The following NR6A1 variants were observed in gnomAD, a reference collection of about 807,000 sequenced individuals.
NR6A1 encodes nuclear receptor subfamily 6 group A member 1, also known as retinoic acid receptor-related testis-associated receptor.
A neutral mutation model predicts 59.1 loss-of-function variants in NR6A1; 7 were observed. The ratio of observed to expected loss-of-function variants is 0.12; its 90% CI spans 0.07 to 0.22. The LOEUF (loss-of-function observed/expected upper bound fraction) is 0.22. Among genes scored for constraint, NR6A1 ranks in the 10% least tolerant of loss-of-function variants. The pLI, the probability that NR6A1 is intolerant of heterozygous loss-of-function variation, is 1.00. For missense variants in NR6A1, 468 were observed against 611.6 expected (o/e 0.77, Z 2.48); for synonymous variants, 243 against 236.1 (o/e 1.03, Z -0.27).
intron 2 of NR6A1, among the ~76,000 whole-genome samples, chr9:124,694,527 G>A (rs946562179): frequency 1.3e-5 from 2 of 152,104 alleles, no homozygotes; most frequent in Non-Finnish European, 2.9e-5. Flanking sequence ...TGCAAACCAT[G>A]TCCCTCAAAC....
chr9:124,589,712 T>C (rs1835052726), intron 2 of NR6A1, among the ~76,000 whole-genome samples: 1 of 152,216 alleles, frequency 6.6e-6, no homozygotes, highest in Admixed American at 6.5e-5. Flanking sequence ...GGTTATTTAA[T>C]ATACCATAAA....
intron 2 of NR6A1, chr9:124,599,185 G>A (rs1835373411): frequency 1.9e-6 from 1 of 537,964 alleles, no homozygotes; most frequent in African/African-American, 1.9e-5. Flanking sequence ...GCTCACTCCT[G>A]TAATCCCAGC....
intron 2 of NR6A1, among the ~76,000 whole-genome samples, chr9:124,728,120 G>A (rs1247954414): frequency 1.3e-5 from 2 of 150,908 alleles, no homozygotes; most frequent in South Asian, 2.1e-4. Context: ...TCTGCCTCCC[G>A]GGTTCACACC....
Position 124,771,062 on chromosome 9 carries a change from A to ACCCCGCCGAGC in NR6A1, c.47_57dup (p.Phe20AlafsTer110). 1 of 1,224,464 alleles carries ACCCCGCCGAGC rather than the reference A, an allele frequency of 8.2e-7. No homozygotes were observed. The highest frequency in any genetic ancestry group is 3.2e-5 in the East Asian group (1 of 31,374). The allele number at this position is 1,224,464 out of a possible 1,614,324, so 75.8% of individuals were successfully genotyped here. A position where few individuals can be genotyped will look rare whatever the true frequency, so the allele number is the denominator to read the frequency against. ...GGGAGCGCGGCGGGAGGCTCCAGGA[A>ACCCCGCCGAGC]CCCCGCCGAGCCCCCGCCGCCTCCC... On this transcript the variant is annotated frameshift_variant, in exon 1 of 10. Transcript: ENST00000487099. LOFTEE classifies it high-confidence loss of function.
chr9:124,593,917 T>C (rs1437957996), intron 2 of NR6A1, among the ~76,000 whole-genome samples: 3 of 152,182 alleles, frequency 2.0e-5, no homozygotes, highest in Non-Finnish European at 4.4e-5. Context: ...GCCTAGCGAC[T>C]GGCAGGGCTG....
At chr9:124,543,724 T>A in intron 4 of NR6A1, 78 bp downstream of exon 4, 1 of 1,100,302 alleles carries the variant, frequency 9.1e-7, no homozygotes, top group Non-Finnish European at 1.3e-6. Context: ...GATGAAAGAG[T>A]CAAGGTGAGC....
At chr9:124,688,171 C>T (rs1442687494) in intron 2 of NR6A1, among the ~76,000 whole-genome samples, 1 of 151,796 alleles carries the variant, frequency 6.6e-6, no homozygotes, top group African/African-American at 2.4e-5. Flanking sequence ...AAAAAAATTT[C>T]TAAATCAGCC....
chr9:124,604,860 T>G (rs1471305888), intron 2 of NR6A1, among the ~76,000 whole-genome samples: 1 of 151,494 alleles, frequency 6.6e-6, no homozygotes, highest in Non-Finnish European at 1.5e-5. Flanking sequence ...AGGGGAAAAA[T>G]CAGTATTTAT....
chr9:124,755,577 T>C (rs2131182902), intron 1 of NR6A1, among the ~76,000 whole-genome samples: 1 of 152,308 alleles, frequency 6.6e-6, no homozygotes, highest in East Asian at 1.9e-4. Flanking sequence ...TACTGACACA[T>C]AAAACCTAAC....
intron 2 of NR6A1, among the ~76,000 whole-genome samples, chr9:124,626,154 C>G (rs920113404): frequency 1.3e-5 from 2 of 152,200 alleles, no homozygotes; most frequent in Non-Finnish European, 2.9e-5. Flanking sequence ...TACAGGCGCA[C>G]GCCACCATGC....
chr9:124,591,948 G>A (rs1248246488), intron 2 of NR6A1, among the ~76,000 whole-genome samples: 2 of 152,134 alleles, frequency 1.3e-5, no homozygotes, highest in Non-Finnish European at 2.9e-5. Context: ...AACTACTGAG[G>A]CATGCAAAAA....
intron 2 of NR6A1, among the ~76,000 whole-genome samples, chr9:124,576,351 A>T (rs1252729882): frequency 1.3e-5 from 2 of 152,146 alleles, no homozygotes; most frequent in Non-Finnish European, 2.9e-5. Context: ...ACAGTGGCAC[A>T]ATCTCGGCTC....
intron 3 of NR6A1, among the ~76,000 whole-genome samples, chr9:124,553,319 G>T (rs1424057493): frequency 6.6e-6 from 1 of 152,034 alleles, no homozygotes; most frequent in Non-Finnish European, 1.5e-5. Flanking sequence ...TTCACCTATG[G>T]ACTAGACTTT....
intron 2 of NR6A1, among the ~76,000 whole-genome samples, chr9:124,564,709 G>GTGTA (rs1491216127): frequency 1.4e-4 from 19 of 137,320 alleles, no homozygotes; most frequent in African/African-American, 4.7e-4. Flanking sequence ...GTGTGTGTGT[G>GTGTA]TATAACTTGA....
intron 2 of NR6A1, among the ~76,000 whole-genome samples, chr9:124,569,801 C>G (rs573160789): frequency 6.6e-6 from 1 of 152,170 alleles, no homozygotes; most frequent in African/African-American, 2.4e-5. Context: ...TATTTACATA[C>G]CATGTCCATT....
At chr9:124,535,449 G>A (rs1022364197) in intron 7 of NR6A1, among the ~76,000 whole-genome samples, 2 of 151,924 alleles carry the variant, frequency 1.3e-5, no homozygotes, top group Non-Finnish European at 2.9e-5. Flanking sequence ...GTGGTGGCAG[G>A]CACCTGTAAT....
chr9:124,616,402 CAA>C (rs71372978), intron 2 of NR6A1, among the ~76,000 whole-genome samples: 1,373 of 68,298 alleles, frequency 0.02, 20 homozygotes, highest in African/African-American at 0.054. Context: ...GACTCCATCT[CAA>C]AAAAAAAAAA....
In NR6A1 at chr9:124,554,418, C is replaced by T. The variant is rs372412568; in HGVS notation, c.295G>A (p.Asp99Asn). ...TTCCGAGACATGACACAGTTCTTGT[C>T]ACGACTGCATCGATATACCCGTTTG... ...CNKRVYRCSR[D>N]KNCVMSRKQR... The change falls in exon 3 of 10, where the codon GAC becomes AAC. Residue 99 changes from aspartate (D) to asparagine (N), a missense_variant. Physicochemically the swap from Asp to Asn is conservative, Grantham distance 23. Around this residue, in one of 4 missense-constraint regions of NR6A1, gnomAD observed 66 missense variants for 139.2 expected, o/e 0.47. Transcript: ENST00000487099. 4 of 1,614,038 alleles carry T rather than the reference C, an allele frequency of 2.5e-6. No homozygotes were observed. In the African/African-American group the frequency reaches 5.3e-5, roughly 22 times the overall value.
At chr9:124,650,198 G>T (rs1460207083) in intron 2 of NR6A1, among the ~76,000 whole-genome samples, 2 of 152,002 alleles carry the variant, frequency 1.3e-5, no homozygotes, top group Admixed American at 1.3e-4. Flanking sequence ...TCAACCTAAG[G>T]GTCCATCACC....
Sources: gnomAD v4.1 joint callset for allele counts (sites outside exome capture counted in the v4.1 genomes callset) on GRCh38, gnomAD v4.1.1 for gene constraint, gnomAD v4.1.1 regional missense constraint, MANE v1.5 for transcripts, NCBI Gene and HGNC (gene_info 2026-07-23, HGNC 2026-07-21) for gene names.